The following DAAM2 variants were observed in gnomAD, a reference collection of about 807,000 sequenced individuals.
The protein encoded by DAAM2 is dishevelled associated activator of morphogenesis 2.
A neutral mutation model predicts 120.7 loss-of-function variants in DAAM2; 39 were observed. The ratio of observed to expected loss-of-function variants is 0.32; its 90% CI spans 0.25 to 0.42. The LOEUF is 0.42. DAAM2 is among the 10% of genes least tolerant of loss of function. DAAM2 has a pLI of 1.00. For synonymous variants in DAAM2, 488 were observed against 524.9 expected, an observed-to-expected ratio of 0.93 and a Z score of 0.96; for missense variants, 1,283 against 1,401.7, an observed-to-expected ratio of 0.92 and a Z score of 1.35.
At chr6:39,884,334 A>G (rs764401372) in intron 15 of DAAM2, 1 of 375,002 alleles carries the variant, frequency 2.7e-6, no homozygotes, top group Non-Finnish European at 4.8e-6. Context: ...TGCTTGTATT[A>G]TGGTTCATAT....
intron 3 of DAAM2, 102 bp downstream of exon 3, chr6:39,861,119 C>G: frequency 1.2e-6 from 1 of 866,362 alleles, no homozygotes; most frequent in Non-Finnish European, 1.9e-6. Flanking sequence ...TTATTACATG[C>G]CAGCCCTGTT....
intron 1 of DAAM2, among the ~76,000 whole-genome samples, chr6:39,835,051 T>C (rs548125956): frequency 2.0e-5 from 3 of 152,350 alleles, no homozygotes; most frequent in South Asian, 2.1e-4. Flanking sequence ...CATTATGTCA[T>C]GACTGTCTAT....
Position 39,879,117 on chromosome 6 carries a change from G to A in DAAM2, c.1546-61G>A. 3 of 1,078,780 alleles carry A rather than the reference G, an allele frequency of 2.8e-6. No individual in the cohort carries two copies. In the South Asian group the frequency reaches 4.7e-5, roughly 17 times the overall value. The allele number at this position is 1,078,780 out of a possible 1,614,324, so 66.8% of individuals were successfully genotyped here. A position where few individuals can be genotyped will look rare whatever the true frequency, so the allele number is the denominator to read the frequency against. On this transcript the variant is annotated intron_variant, in intron 13 of 24. Coordinates refer to ENST00000274867, the MANE Select transcript of DAAM2 (RefSeq NM_001201427.2). ...ACTAGAAGGAGAGGAATCATGGTGGGAGACCTGAATGGCAACGGTGCTGAT... is the reference window on the plus strand; with the variant it reads ...ACTAGAAGGAGAGGAATCATGGTGGAAGACCTGAATGGCAACGGTGCTGAT...
chr6:39,849,728 CA>C (rs1214610559), intron 1 of DAAM2, among the ~76,000 whole-genome samples: 3 of 152,152 alleles, frequency 2.0e-5, no homozygotes, highest in African/African-American at 4.8e-5. Flanking sequence ...TGCTGTCCAC[CA>C]GCTTGAGGAG....
intron 22 of DAAM2, 106 bp downstream of exon 22, chr6:39,899,043 C>T: frequency 1.6e-5 from 6 of 373,866 alleles, no homozygotes; most frequent in Non-Finnish European, 2.1e-5. Context: ...ATGGGTACAG[C>T]CTCTAGCACA....
chr6:39,834,610 C>A (rs1249688170), intron 1 of DAAM2, among the ~76,000 whole-genome samples: 1 of 152,134 alleles, frequency 6.6e-6, no homozygotes, highest in East Asian at 1.9e-4. Flanking sequence ...AAGGGGGTAT[C>A]TGGGCACCAC....
intron 1 of DAAM2, among the ~76,000 whole-genome samples, chr6:39,797,145 G>GAAT (rs1239275547): frequency 6.6e-6 from 1 of 152,136 alleles, no homozygotes; most frequent in Non-Finnish European, 1.5e-5. Context: ...CCCTCTATTG[G>GAAT]AATAAAGGAA....
intron 8 of DAAM2, among the ~76,000 whole-genome samples, chr6:39,871,016 A>C (rs920563094): frequency 1.6e-4 from 24 of 152,198 alleles, no homozygotes; most frequent in African/African-American, 5.8e-4. Context: ...ATAGAAAATG[A>C]GGGAGAGATT....
rs937821323 is a variant in DAAM2, at chr6:39,904,463, C to T, written c.*2426C>T. 4.8e-5 allele frequency: 22 copies of T among 454,492 alleles called. No homozygotes were observed. Among genetic ancestry groups the T allele is most frequent in the African/African-American group, 1.2e-4 (6 of 49,988 alleles). 28.2% of individuals were successfully genotyped at this position (454,492 alleles called of 1,614,324 possible). On this transcript the variant is annotated 3_prime_UTR_variant, in exon 25 of 25. Coordinates refer to ENST00000274867, the MANE Select transcript of DAAM2 (RefSeq NM_001201427.2). ...TTGGTCTTGCTTTCTTCATGCCCTC[C>T]CCACTGCTCCTGCCACCTTTAGATA...
intron 10 of DAAM2, 95 bp from the exon 11 acceptor site, chr6:39,875,235 A>C (rs767891817): frequency 2.9e-6 from 4 of 1,380,026 alleles, no homozygotes; most frequent in Non-Finnish European, 4.0e-6. Context: ...GGAGAAGGGC[A>C]TGCCTCACCA....
intron 3 of DAAM2, among the ~76,000 whole-genome samples, chr6:39,863,540 A>C (rs1303345835): frequency 6.6e-6 from 1 of 152,128 alleles, no homozygotes; most frequent in East Asian, 1.9e-4. Context: ...TTAAGTTTTC[A>C]TGCCGATTTG....
chr6:39,830,295 A>G (rs1762831794), intron 1 of DAAM2, among the ~76,000 whole-genome samples: 2 of 152,170 alleles, frequency 1.3e-5, no homozygotes, highest in African/African-American at 4.8e-5. Flanking sequence ...CTCTCAGAGA[A>G]GTTGCTGAAA....
intron 7 of DAAM2, 66 bp downstream of exon 7, chr6:39,868,999 T>C (rs1764541888): frequency 8.6e-7 from 1 of 1,167,888 alleles, no homozygotes; most frequent in Non-Finnish European, 1.3e-6. Flanking sequence ...AGTGTGTGAG[T>C]GTGTTGCTTC....
intron 1 of DAAM2, among the ~76,000 whole-genome samples, chr6:39,853,863 G>A (rs1763903872): frequency 6.6e-6 from 1 of 152,184 alleles, no homozygotes; most frequent in South Asian, 2.1e-4. Context: ...GAACCAAGGG[G>A]ATCTGGTCTG....
intron 22 of DAAM2, 175 bp downstream of exon 22, chr6:39,899,112 A>T: frequency 1.6e-6 from 1 of 611,984 alleles, no homozygotes. Context: ...GCCTTTTAAA[A>T]GGGGTTACCT....
intron 1 of DAAM2, among the ~76,000 whole-genome samples, chr6:39,844,124 T>G (rs1381714672): frequency 6.6e-6 from 1 of 152,204 alleles, no homozygotes; most frequent in Non-Finnish European, 1.5e-5. Flanking sequence ...ATTTTGAGCC[T>G]AGCCTAGCTT....
chr6:39,896,809 C>T lies in DAAM2; in HGVS notation c.2342-3C>T, dbSNP rs896890790. 3.7e-5 allele frequency: 58 copies of T among 1,587,912 alleles called. No individual in the cohort carries two copies. The highest frequency in any genetic ancestry group is 4.8e-5 in the Non-Finnish European group (56 of 1,166,060). ...GGCCTCTGACCTGTGCCTCCTCTCC[C>T]AGCCATCCTGTTGGCCTCCCGGGAG... On this transcript the variant is annotated splice_polypyrimidine_tract_variant and splice_region_variant and intron_variant, in intron 19 of 24. Transcript: ENST00000274867.
intron 11 of DAAM2, among the ~76,000 whole-genome samples, chr6:39,876,778 G>A (rs1168402037): frequency 6.6e-6 from 1 of 151,908 alleles, no homozygotes; most frequent in East Asian, 1.9e-4. Context: ...TGTGATATTT[G>A]CCTTCTTTTC....
At chr6:39,824,931 C>T (rs1762614459) in intron 1 of DAAM2, among the ~76,000 whole-genome samples, 1 of 152,186 alleles carries the variant, frequency 6.6e-6, no homozygotes, top group African/African-American at 2.4e-5. Context: ...CAGTCTTCCT[C>T]TCCAGAGCCA....
Sources: allele counts gnomAD v4.1 joint callset (sites outside exome capture counted in the v4.1 genomes callset), GRCh38; gene constraint gnomAD v4.1.1; transcripts MANE v1.5; gene names NCBI Gene and HGNC (gene_info 2026-07-23, HGNC 2026-07-21).